The following LSG1 variants were observed in gnomAD, a reference collection of about 807,000 sequenced individuals.
The protein encoded by LSG1 is large subunit GTPase 1 homolog.
Under a neutral mutation model 82.6 loss-of-function variants are expected in LSG1, and 55 were observed. That is an observed-to-expected ratio of 0.67 (90% CI 0.54 to 0.83). The LOEUF (loss-of-function observed/expected upper bound fraction) is 0.83. Ranked by LOEUF, LSG1 falls within the 40% of genes least tolerant of loss-of-function variation. The pLI, the probability that LSG1 is intolerant of heterozygous loss-of-function variation, is 0.00. For missense variants in LSG1, 809 were observed against 807.9 expected (o/e 1.00, Z -0.02); for synonymous variants, 272 against 282.5 (o/e 0.96, Z 0.37).
At chr3:194,647,021 A>C (rs956284218) in intron 11 of LSG1, among the ~76,000 whole-genome samples, 26 of 152,254 alleles carry the variant, frequency 1.7e-4, no homozygotes, top group African/African-American at 5.8e-4. Flanking sequence ...GCTTCAGCAG[A>C]CAGGCTGCGT....
chr3:194,668,315 G>C (rs13091566), intron 2 of LSG1, among the ~76,000 whole-genome samples: 2 of 152,158 alleles, frequency 1.3e-5, no homozygotes, highest in East Asian at 3.9e-4. Flanking sequence ...TGCTGGATCA[G>C]ATGGTAATTC....
chr3:194,665,806 T>C (rs1042879845), intron 4 of LSG1, among the ~76,000 whole-genome samples, 163 bp from the exon 5 acceptor site: 1 of 152,254 alleles, frequency 6.6e-6, no homozygotes, highest in Non-Finnish European at 1.5e-5. Context: ...AAAATACTAT[T>C]TATTTAGACA....
At chr3:194,658,034 G>A (rs4677793) in intron 7 of LSG1, among the ~76,000 whole-genome samples, 93,526 of 151,938 alleles carry the variant, frequency 0.62, 30,332 homozygotes, top group East Asian at 0.87. Context: ...CACACTCCAC[G>A]GTCAACAGAT....
At position 194,644,629 on chromosome 3, in the gene LSG1, T is replaced by A; in HGVS notation, c.1741A>T (p.Arg581Ter). 6.2e-7 allele frequency: 1 copy of A among 1,613,374 alleles called. No homozygotes were observed. Among genetic ancestry groups the A allele is most frequent in the Non-Finnish European group, 8.5e-7 (1 of 1,179,702 alleles). The change falls in exon 13 of 14, where the codon AGA becomes TGA. Residue 581 changes from arginine to a stop codon, truncating the protein, a stop_gained. Transcript: ENST00000265245. LOFTEE classifies it high-confidence loss of function. ...NSDEIKMQLG[R>*]NKKAKQIENI... is the part of the protein sequence containing the mutation. ...TCAATCTGCTTTGCTTTTTTATTTC[T>A]GCCTAGCTGCATTTTTATTTCATCA... is the stretch of plus-strand genomic sequence containing the variant.
chr3:194,672,144 G>C lies in LSG1; in HGVS notation c.19C>G (p.Pro7Ala). Residue 7 changes from proline to alanine, a missense_variant, in exon 1 of 14, where the codon CCG (proline) becomes GCG (alanine). Physicochemically the swap from Pro to Ala is conservative, Grantham distance 27. Coordinates refer to ENST00000265245, the MANE Select transcript of LSG1 (RefSeq NM_018385.3). ...GCCCGTCCCAGCGACCCACCGGCCG[G>C]GGCTCTCCTCCGGCCCATGGCAACA... MGRRRAPAGGSLGRALM... is the reference protein window; with the variant it reads MGRRRAAAGGSLGRALM... The C allele has an allele frequency of 2.5e-6, 4 of 1,604,468 alleles. No homozygotes were observed. Among genetic ancestry groups the C allele is most frequent in the African/African-American group, 1.3e-5 (1 of 75,024 alleles).
rs552585973 is a variant in LSG1 at position 194,641,800 on chromosome 3, G to T, written c.*268C>A. 6.8e-6 allele frequency: 2 copies of T among 294,352 alleles called. No homozygotes were observed. Among genetic ancestry groups the T allele is most frequent in the Admixed American group, 9.9e-5 (2 of 20,174 alleles). 18.2% of individuals were successfully genotyped at this position (294,352 alleles called of 1,614,324 possible). On this transcript the variant is annotated 3_prime_UTR_variant, in exon 14 of 14. Transcript: ENST00000265245. ...GGCTAATTTTTTTGTATTTTTAGTA[G>T]AGACGGGGTTTCTCCATGTTGGTGC...
At chr3:194,647,345 A>C (rs1250540957) in intron 11 of LSG1, among the ~76,000 whole-genome samples, 1 of 152,194 alleles carries the variant, frequency 6.6e-6, no homozygotes, top group Non-Finnish European at 1.5e-5. Flanking sequence ...ATAACAAAGA[A>C]CTTTTACAAA....
intron 5 of LSG1, among the ~76,000 whole-genome samples, chr3:194,661,567 C>T (rs547272130): frequency 3.9e-5 from 6 of 152,316 alleles, no homozygotes; most frequent in African/African-American, 1.2e-4. Flanking sequence ...AGTGCCTCTG[C>T]GGTTTCCTGC....
rs770228002 is a variant in LSG1, at chr3:194,652,829, T to G, written c.1073A>C (p.His358Pro). 6.2e-7 allele frequency: 1 copy of G among 1,614,128 alleles called. No homozygotes were observed. The highest frequency in any genetic ancestry group is 1.3e-5 in the African/African-American group (1 of 75,016). ...SRKTPQKRQIHNFSHLVSKQE... is the reference protein window; with the variant it reads ...SRKTPQKRQIPNFSHLVSKQE... ...CTTGGATACCAGATGGCTAAAATTG[T>G]GTATCTGCCTCTTCTGTGGGGTTTT... is the stretch of plus-strand genomic sequence containing the variant. Residue 358 changes from histidine (H) to proline (P), a missense_variant, in exon 8 of 14, where the codon CAC becomes CCC. Coordinates refer to ENST00000265245, the MANE Select transcript of LSG1 (RefSeq NM_018385.3).
At chr3:194,644,383 A>AATAAAT (rs1468637644) in intron 13 of LSG1, among the ~76,000 whole-genome samples, 190 bp downstream of exon 13, 2 of 132,866 alleles carry the variant, frequency 1.5e-5, no homozygotes, top group Non-Finnish European at 3.2e-5. Flanking sequence ...AAAAAAAATA[A>AATAAAT]AAATAAATAA....
intron 6 of LSG1, among the ~76,000 whole-genome samples, chr3:194,659,747 G>A (rs542195737): frequency 1.8e-4 from 27 of 152,200 alleles, no homozygotes; most frequent in Admixed American, 5.9e-4. Context: ...TGAAGTGACC[G>A]GCAATATGCT....
intron 2 of LSG1, 79 bp downstream of exon 2, chr3:194,669,930 C>G (rs1338282149): frequency 1.2e-5 from 18 of 1,531,978 alleles, no homozygotes; most frequent in Non-Finnish European, 1.5e-5. Context: ...GACTCCATCT[C>G]AAAACAAAAA....
intron 5 of LSG1, among the ~76,000 whole-genome samples, chr3:194,661,667 A>G (rs1052403004): frequency 6.6e-6 from 1 of 152,274 alleles, no homozygotes; most frequent in African/African-American, 2.4e-5. Context: ...GTTACCAAAC[A>G]GGAGACATCT....
rs1718394118 is a variant in LSG1, at chr3:194,641,803, A to AT, written c.*264_*265insA. The AT allele has an allele frequency of 9.8e-6, 3 of 305,486 alleles. No homozygotes were observed. Among genetic ancestry groups the AT allele is most frequent in the Non-Finnish European group, 1.8e-5 (3 of 167,690 alleles). The allele number at this position is 305,486 out of a possible 1,614,324, so 18.9% of individuals were successfully genotyped here. A position where few individuals can be genotyped will look rare whatever the true frequency, so the allele number is the denominator to read the frequency against. The stretch of plus-strand genomic sequence containing the variant: ...TAATTTTTTTGTATTTTTAGTAGAG[A>AT]CGGGGTTTCTCCATGTTGGTGCGTG... On this transcript the variant is annotated 3_prime_UTR_variant, in exon 14 of 14. Transcript: ENST00000265245.
intron 12 of LSG1, among the ~76,000 whole-genome samples, chr3:194,645,763 T>C (rs1021348063): frequency 6.6e-6 from 1 of 152,244 alleles, no homozygotes; most frequent in African/African-American, 2.4e-5. Context: ...ATATTTGTAC[T>C]GAGAAGACGC....
intron 13 of LSG1, among the ~76,000 whole-genome samples, 192 bp downstream of exon 13, chr3:194,644,381 T>A (rs1675933): frequency 0.29 from 22,896 of 78,852 alleles, 2,940 homozygotes; most frequent in East Asian, 0.43. Context: ...AAAAAAAAAA[T>A]AAAAATAAAT....
intron 1 of LSG1, 26 bp from the exon 2 acceptor site, chr3:194,670,161 T>TA: frequency 6.2e-7 from 1 of 1,612,016 alleles, no homozygotes; most frequent in South Asian, 1.1e-5. Context: ...GGGTGATAAA[T>TA]ACAGCTGCTC....
At chr3:194,651,531 G>C in intron 8 of LSG1, 1 of 318,868 alleles carries the variant, frequency 3.1e-6, no homozygotes, top group East Asian at 7.4e-5. Context: ...TACAGACAGT[G>C]GTTTCCATCG....
At chr3:194,644,963 TA>T in intron 12 of LSG1, 1 of 390,602 alleles carries the variant, frequency 2.6e-6, no homozygotes, top group Non-Finnish European at 4.5e-6. Context: ...CGCCCCAGAC[TA>T]GGATGAAATC....
Sources: allele counts gnomAD v4.1 joint callset (sites outside exome capture counted in the v4.1 genomes callset), GRCh38; gene constraint gnomAD v4.1.1; transcripts MANE v1.5; gene names NCBI Gene and HGNC (gene_info 2026-07-23, HGNC 2026-07-21).